NREP: variants seen among roughly 807,000 people sequenced by gnomAD.
The protein encoded by NREP is neuronal regeneration related protein.
In NREP, 5 loss-of-function variants were observed where a neutral mutation model predicts 8.6. The observed-to-expected ratio is 0.58, with a 90% CI of 0.30 to 1.22. NREP has a LOEUF of 1.22. Among genes scored for constraint, NREP ranks in the 50% most tolerant of loss-of-function variants. The pLI is 0.07. For missense variants in NREP, 86 were observed against 82.5 expected, an observed-to-expected ratio of 1.04 and a Z score of -0.17; for synonymous variants, 27 against 28.0, an observed-to-expected ratio of 0.96 and a Z score of 0.11.
upstream of NREP, chr5:111,758,072 A>G (rs193177342): frequency 3.0e-6 from 3 of 985,390 alleles, no homozygotes; most frequent in Non-Finnish European, 2.4e-6. Flanking sequence ...CAGACACACA[A>G]AGAGTCCGCG....
At chr5:111,941,049 T>C (rs1369634750) in intron 2 of NREP, among the ~76,000 whole-genome samples, 1 of 152,078 alleles carries the variant, frequency 6.6e-6, no homozygotes, top group Admixed American at 6.6e-5. Flanking sequence ...TGATTCTTGC[T>C]TTAAGGTTGT....
rs867453408 is a variant in NREP, at chr5:111,771,779, C to A, written c.136-36272G>T. Among the ~76,000 whole-genome samples the A allele has an allele frequency of 2.5e-3, 366 of 143,964 alleles. 1 individual carries two copies. Among genetic ancestry groups the A allele is most frequent in the Middle Eastern group, 0.021 (6 of 280 alleles). The allele number at this position is 143,964 out of a possible 152,430, so 94.4% of individuals were successfully genotyped here. A position where few individuals can be genotyped will look rare whatever the true frequency, so the allele number is the denominator to read the frequency against. ...ACTCCATCTCAAAAAAAAAAAAAAACAAAAAAATCAATAGAATATTTAGAA... is the reference window on the plus strand; with the variant it reads ...ACTCCATCTCAAAAAAAAAAAAAAAAAAAAAAATCAATAGAATATTTAGAA... On this transcript the variant is annotated intron_variant, in intron 2 of 3. Coordinates refer to the NREP transcript ENST00000395634.
intron 2 of NREP, among the ~76,000 whole-genome samples, chr5:111,903,242 G>A (rs781680523): frequency 1.3e-5 from 2 of 151,634 alleles, no homozygotes; most frequent in Non-Finnish European, 1.5e-5. Flanking sequence ...ATGCTACCAT[G>A]CCTGACTAAT....
intron 3 of NREP, chr5:111,732,875 TTA>T: frequency 6.6e-6 from 1 of 152,284 alleles, no homozygotes; most frequent in Non-Finnish European, 1.5e-5. Flanking sequence ...AACTCAACAA[TTA>T]TAGTCTTTAC....
At chr5:111,850,664 C>T (rs1249739875) in intron 2 of NREP, among the ~76,000 whole-genome samples, 1 of 152,026 alleles carries the variant, frequency 6.6e-6, no homozygotes, top group Non-Finnish European at 1.5e-5. Flanking sequence ...ATTATTGTTG[C>T]CAGTTTTCAA....
rs370378884 is a variant in NREP at position 111,826,481 on chromosome 5, G to C, written c.136-90974C>G. On this transcript the variant is annotated intron_variant, in intron 2 of 3. Coordinates refer to the NREP transcript ENST00000395634. Reference sequence around the variant, plus strand: ...CATGAAGGTCTGCGGCTTCACTCCTGAAGTCAGCAAGACCACCAATGCACC... The same window carrying C: ...CATGAAGGTCTGCGGCTTCACTCCTCAAGTCAGCAAGACCACCAATGCACC... Among the ~76,000 whole-genome samples, 17 of 152,292 alleles carry C rather than the reference G, an allele frequency of 1.1e-4. No homozygotes were observed. In the East Asian group the frequency reaches 1.2e-3, roughly 10 times the overall value.
At chr5:111,756,312 A>AAAAAACC in intron 1 of NREP, 1 of 99,468 alleles carries the variant, frequency 1.0e-5, no homozygotes, top group Non-Finnish European at 1.6e-5. Context: ...AAAAAAAAAA[A>AAAAAACC]CCCTACACGG....
chr5:111,734,817 G>A (rs1458545610), intron 3 of NREP: 1 of 651,470 alleles, frequency 1.5e-6, no homozygotes, highest in Non-Finnish European at 2.8e-6. Context: ...CACCCTAAGA[G>A]GCAAAGTCCA....
intron 2 of NREP, among the ~76,000 whole-genome samples, chr5:111,753,175 C>T (rs974652419): frequency 4.0e-5 from 6 of 151,670 alleles, no homozygotes; most frequent in Non-Finnish European, 8.8e-5. Context: ...AAACTATACT[C>T]AAAACTGACA....
chr5:111,783,632 C>A (rs1451678702), intron 2 of NREP, among the ~76,000 whole-genome samples: 1 of 152,160 alleles, frequency 6.6e-6, no homozygotes, highest in African/African-American at 2.4e-5. Flanking sequence ...TCCTACTATT[C>A]CTAGTTTGGT....
intron 2 of NREP, among the ~76,000 whole-genome samples, chr5:111,888,275 A>G (rs1407719750): frequency 6.6e-6 from 1 of 152,044 alleles, no homozygotes; most frequent in East Asian, 1.9e-4. Context: ...GTGAAGAGAT[A>G]CCTGAGACTG....
At chr5:111,944,190 T>A (rs1474517568) in intron 2 of NREP, among the ~76,000 whole-genome samples, 1 of 152,112 alleles carries the variant, frequency 6.6e-6, no homozygotes, top group East Asian at 1.9e-4. Flanking sequence ...ACCACCAATT[T>A]TTGTTTTGAA....
chr5:111,976,008 G>C (rs1236288295), intron 1 of NREP, among the ~76,000 whole-genome samples: 1 of 151,980 alleles, frequency 6.6e-6, no homozygotes, highest in African/African-American at 2.4e-5. Context: ...TGCTCTTCTT[G>C]TTAGAGTGAA....
At chr5:111,836,098 T>C (rs1363533672) in intron 2 of NREP, among the ~76,000 whole-genome samples, 3 of 152,082 alleles carry the variant, frequency 2.0e-5, no homozygotes, top group African/African-American at 7.2e-5. Context: ...TCAAAAATAT[T>C]TACTAAGCAC....
chr5:111,892,395 G>A (rs1754415186), intron 2 of NREP, among the ~76,000 whole-genome samples: 2 of 152,078 alleles, frequency 1.3e-5, no homozygotes, highest in South Asian at 4.1e-4. Context: ...GAAATGAAAA[G>A]CCCTATCTCA....
At chr5:111,756,316 T>C (rs1395439126) in intron 1 of NREP, 3 of 41,098 alleles carry the variant, frequency 7.3e-5, no homozygotes, top group Non-Finnish European at 1.3e-4. Flanking sequence ...AAAAAAACCC[T>C]ACACGGCGGG....
rs567443257 is a variant in NREP at position 111,903,443 on chromosome 5, C to T, written c.135+71831G>A. 4.3e-4 allele frequency among the ~76,000 whole-genome samples: 66 copies of T among 152,002 alleles called. No homozygotes were observed. In the Middle Eastern group the frequency reaches 0.017, roughly 39 times the overall value. ...ATGAGATTAGAAGAAAGAATTAAAC[C>T]GTTGGTAATTATAAAGTTTAATTTG... On this transcript the variant is annotated intron_variant, in intron 2 of 3. Transcript: ENST00000395634.
At chr5:111,753,793 C>T (rs1229575180) in intron 2 of NREP, among the ~76,000 whole-genome samples, 1 of 151,374 alleles carries the variant, frequency 6.6e-6, no homozygotes, top group Non-Finnish European at 1.5e-5. Context: ...CAGAGGTCCA[C>T]AAAGTAATTC....
At chr5:111,867,367 G>A (rs543310548) in intron 2 of NREP, among the ~76,000 whole-genome samples, 20 of 152,214 alleles carry the variant, frequency 1.3e-4, no homozygotes, top group South Asian at 1.2e-3. Context: ...TGCTCACATG[G>A]GTTTTTCTTC....
Sources: gnomAD v4.1 joint callset for allele counts (sites outside exome capture counted in the v4.1 genomes callset) on GRCh38, gnomAD v4.1.1 for gene constraint, MANE v1.5 for transcripts, NCBI Gene and HGNC (gene_info 2026-07-23, HGNC 2026-07-21) for gene names.